The following ABCD3 variants were observed in gnomAD, a reference collection of about 807,000 sequenced individuals.
ABCD3 encodes ATP binding cassette subfamily D member 3.
A neutral mutation model predicts 105.5 loss-of-function variants in ABCD3; 41 were observed. The ratio of observed to expected loss-of-function variants is 0.39; its 90% confidence interval spans 0.30 to 0.50. The LOEUF is 0.50. ABCD3 is among the 20% of genes least tolerant of loss of function. ABCD3 has a pLI of 0.84. For missense variants in ABCD3, 622 were observed against 806.3 expected, an observed-to-expected ratio of 0.77 and a Z score of 2.77; for synonymous variants, 258 against 269.0, an observed-to-expected ratio of 0.96 and a Z score of 0.40.
At chr1:94,393,280 G>A in the ABCD3 span, among the ~76,000 whole-genome samples, 276 of 152,132 alleles carry the variant, frequency 1.8e-3, no homozygotes, top group African/African-American at 6.4e-3. Flanking sequence ...GAGTAAAGTG[G>A]AAGAGAAAGA....
chr1:94,479,150 C>T (rs1042251821), intron 8 of ABCD3, among the ~76,000 whole-genome samples: 9 of 151,994 alleles, frequency 5.9e-5, no homozygotes, highest in African/African-American at 1.4e-4. Context: ...TTTTGTTTTT[C>T]GAATTTTTCT....
the ABCD3 span, among the ~76,000 whole-genome samples, chr1:94,393,665 A>T: frequency 6.6e-6 from 1 of 152,056 alleles, no homozygotes; most frequent in Non-Finnish European, 1.5e-5. Context: ...GAAAAGAAAG[A>T]AAGAAGATTG....
chr1:94,497,580 T>C (rs1305448955), intron 16 of ABCD3, among the ~76,000 whole-genome samples: 1 of 152,234 alleles, frequency 6.6e-6, no homozygotes, highest in Non-Finnish European at 1.5e-5. Flanking sequence ...AACCACTCTT[T>C]ACATTTTCTC....
At chr1:94,480,418 A>G (rs1321150176) in intron 8 of ABCD3, 46 bp from the exon 9 acceptor site, 1 of 1,607,890 alleles carries the variant, frequency 6.2e-7, no homozygotes. Flanking sequence ...TGAATTTATT[A>G]TTATATCCCA....
At position 94,446,730 on chromosome 1, in the gene ABCD3, A is replaced by T. The variant is rs541488023; in HGVS notation, c.111-11877A>T. 2.0e-5 allele frequency among the ~76,000 whole-genome samples: 3 copies of T among 152,318 alleles called. No individual in the cohort carries two copies. In the East Asian group the frequency reaches 5.8e-4, roughly 29 times the overall value. ...GACATTTCAATCATTTCTCTACAGC[A>T]CTGGCTGTCTGCGTGGCCAATTCAA... is the stretch of plus-strand genomic sequence containing the variant. On this transcript the variant is annotated intron_variant, in intron 1 of 22. Transcript: ENST00000370214.
At chr1:94,507,118 C>T (rs1650399739) in intron 21 of ABCD3, among the ~76,000 whole-genome samples, 1 of 151,976 alleles carries the variant, frequency 6.6e-6, no homozygotes, top group South Asian at 2.1e-4. Flanking sequence ...TTAGGTATAT[C>T]TCCCAATGCT....
At chr1:94,439,368 G>C (rs191402549) in intron 1 of ABCD3, among the ~76,000 whole-genome samples, 1 of 151,902 alleles carries the variant, frequency 6.6e-6, no homozygotes, top group East Asian at 1.9e-4. Context: ...TAGGCTGGGC[G>C]CAGTGGCTCA....
intron 16 of ABCD3, among the ~76,000 whole-genome samples, chr1:94,493,740 A>G (rs1649652796): frequency 6.6e-6 from 1 of 152,236 alleles, no homozygotes; most frequent in Non-Finnish European, 1.5e-5. Flanking sequence ...TGGCACATAT[A>G]CACCATGGAA....
chr1:94,415,523 T>C (rs1658983997), upstream of ABCD3, among the ~76,000 whole-genome samples: 1 of 152,250 alleles, frequency 6.6e-6, no homozygotes, highest in African/African-American at 2.4e-5. Flanking sequence ...AATCCTAGAC[T>C]GTTAGAAAGT....
intron 20 of ABCD3, among the ~76,000 whole-genome samples, chr1:94,504,306 C>T (rs150451082): frequency 2.6e-3 from 403 of 152,136 alleles, no homozygotes; most frequent in African/African-American, 5.4e-3. Context: ...TTAGTAGATA[C>T]GAGGTTTCAC....
chr1:94,487,204 T>C (rs1649316546), intron 10 of ABCD3, among the ~76,000 whole-genome samples: 1 of 152,212 alleles, frequency 6.6e-6, no homozygotes, highest in African/African-American at 2.4e-5. Flanking sequence ...TTGCTTTCGT[T>C]GTTGTCCTCT....
chr1:94,444,815 T>C (rs1375120370), intron 1 of ABCD3, among the ~76,000 whole-genome samples: 3 of 152,170 alleles, frequency 2.0e-5, no homozygotes, highest in African/African-American at 7.2e-5. Flanking sequence ...TCATTTTTTG[T>C]TGGGAACAGG....
chr1:94,489,674 T>C, intron 13 of ABCD3, 51 bp from the exon 14 acceptor site: 1 of 1,268,768 alleles, frequency 7.9e-7, no homozygotes, highest in African/African-American at 1.5e-5. Context: ...AAATAAAAGA[T>C]GTGACAATAG....
intron 1 of ABCD3, among the ~76,000 whole-genome samples, chr1:94,455,347 C>G (rs549698232): frequency 6.8e-6 from 1 of 147,064 alleles, no homozygotes; most frequent in Non-Finnish European, 1.5e-5. Flanking sequence ...TTTTTTGAGA[C>G]CGAGTTTTGC....
At chr1:94,399,784 G>A in the ABCD3 span, among the ~76,000 whole-genome samples, 1 of 152,174 alleles carries the variant, frequency 6.6e-6, no homozygotes, top group Non-Finnish European at 1.5e-5. Context: ...CAGTTAGAGG[G>A]GAAAGGCATT....
chr1:94,489,821 ATATG>A lies in ABCD3; in HGVS notation c.1249+6_1249+9del, dbSNP rs1358915311. ...TGGTCTCACAACAGGAAAAGGGTAA[ATATG>A]AGTGTCACAGTTTAAGGTCACAATT... On this transcript the variant is annotated splice_donor_region_variant and intron_variant, in intron 14 of 22. Coordinates refer to ENST00000370214, the MANE Select transcript of ABCD3 (RefSeq NM_002858.4). The A allele has an allele frequency of 1.9e-6, 3 of 1,612,610 alleles. No homozygotes were observed. The African/African-American group carries it at 4.0e-5, about 22-fold the overall frequency.
chr1:94,515,077 A>G, intron 21 of ABCD3, 69 bp from the exon 22 acceptor site: 2 of 1,236,072 alleles, frequency 1.6e-6, no homozygotes, highest in Non-Finnish European at 2.4e-6. Flanking sequence ...TTAACAGCTT[A>G]AAGTACATGG....
intron 1 of ABCD3, among the ~76,000 whole-genome samples, chr1:94,450,512 C>T (rs973628784): frequency 1.3e-5 from 2 of 152,242 alleles, no homozygotes; most frequent in East Asian, 3.8e-4. Flanking sequence ...ATAGCATGAG[C>T]GATCTGTGCC....
At position 94,511,396 on chromosome 1, in the gene ABCD3, C is replaced by G. The variant is rs1650665834; in HGVS notation, c.1846-3750C>G. ...TAATCGGCTTCCCTTTGTGGGTAACCCGACCTTTCTCTCTGGCTGCCCTTA... is the reference window on the plus strand; with the variant it reads ...TAATCGGCTTCCCTTTGTGGGTAACGCGACCTTTCTCTCTGGCTGCCCTTA... On this transcript the variant is annotated intron_variant, in intron 21 of 22. Coordinates refer to ENST00000370214, the MANE Select transcript of ABCD3 (RefSeq NM_002858.4). Among the ~76,000 whole-genome samples, 4 of 151,996 alleles carry G rather than the reference C, an allele frequency of 2.6e-5. No homozygotes were observed. The South Asian group carries it at 8.3e-4, about 32-fold the overall frequency.
Sources: gnomAD v4.1 joint callset for allele counts (sites outside exome capture counted in the v4.1 genomes callset) on GRCh38, gnomAD v4.1.1 for gene constraint, MANE v1.5 for transcripts, NCBI Gene and HGNC (gene_info 2026-07-23, HGNC 2026-07-21) for gene names.